Variants in ENOX1 observed in about 807,000 individuals in gnomAD.
ENOX1 encodes the protein ecto-NOX disulfide-thiol exchanger 1, also known as candidate growth-related and time keeping constitutive hydroquinone (NADH) oxidase.
Under a neutral mutation model 82.5 loss-of-function variants are expected in ENOX1, and 42 were observed. The observed-to-expected ratio is 0.51, with a 90% CI of 0.40 to 0.66. The LOEUF (loss-of-function observed/expected upper bound fraction) is 0.66, where lower values mean the gene tolerates loss of function less well. Ranked by LOEUF, ENOX1 falls within the 30% of genes least tolerant of loss-of-function variation. The probability of loss-of-function intolerance (pLI) is 0.00; values close to 1 mark genes in which losing one functional copy is unlikely to be tolerated. For synonymous variants in ENOX1, 271 were observed against 282.2 expected (o/e 0.96, Z 0.40); for missense variants, 608 against 811.6 (o/e 0.75, Z 3.05).
At chr13:43,759,339 C>T (rs924548608) in intron 1 of ENOX1, among the ~76,000 whole-genome samples, 1 of 152,090 alleles carries the variant, frequency 6.6e-6, no homozygotes, top group Non-Finnish European at 1.5e-5. Context: ...CTCAAGTGAT[C>T]CACCTGCCTC....
chr13:43,273,338 C>T (rs147510136), intron 12 of ENOX1, among the ~76,000 whole-genome samples: 134 of 152,208 alleles, frequency 8.8e-4, no homozygotes, highest in African/African-American at 3.0e-3. Flanking sequence ...GCCATTTACC[C>T]GACACTCCTG....
At chr13:43,621,249 T>A (rs1325750506) in intron 2 of ENOX1, among the ~76,000 whole-genome samples, 8 of 152,232 alleles carry the variant, frequency 5.3e-5, no homozygotes, top group Admixed American at 3.3e-4. Flanking sequence ...AGTATTGAGA[T>A]GTGAGGTACC....
At chr13:43,673,513 T>C (rs2085365370) in intron 1 of ENOX1, among the ~76,000 whole-genome samples, 1 of 152,248 alleles carries the variant, frequency 6.6e-6, no homozygotes, top group Non-Finnish European at 1.5e-5. Context: ...CTCTTTAACA[T>C]TTTAATGAGA....
chr13:43,347,699 C>A (rs2049480283), intron 8 of ENOX1, among the ~76,000 whole-genome samples: 1 of 152,156 alleles, frequency 6.6e-6, no homozygotes, highest in Non-Finnish European at 1.5e-5. Flanking sequence ...ATTTAGATTG[C>A]AGCATTATTA....
chr13:43,501,449 T>C (rs1269369015), intron 2 of ENOX1, among the ~76,000 whole-genome samples: 1 of 151,756 alleles, frequency 6.6e-6, no homozygotes, highest in African/African-American at 2.4e-5. Context: ...CCAGCAGCAG[T>C]AGAGCAAACA....
intron 11 of ENOX1, among the ~76,000 whole-genome samples, chr13:43,304,448 G>T (rs1336480704): frequency 6.6e-6 from 1 of 152,154 alleles, no homozygotes; most frequent in East Asian, 1.9e-4. Context: ...GGCTAGCTTA[G>T]CTCCATGTAA....
intron 14 of ENOX1, among the ~76,000 whole-genome samples, chr13:43,257,204 C>A (rs987063489): frequency 6.6e-6 from 1 of 152,050 alleles, no homozygotes; most frequent in African/African-American, 2.4e-5. Context: ...CAGGAATACA[C>A]TTAGATAGGA....
intron 2 of ENOX1, among the ~76,000 whole-genome samples, chr13:43,594,471 G>C (rs1367369494): frequency 6.6e-6 from 1 of 152,222 alleles, no homozygotes; most frequent in Non-Finnish European, 1.5e-5. Context: ...TAGCACTTCA[G>C]TTCAAAAGGC....
intron 1 of ENOX1, among the ~76,000 whole-genome samples, chr13:43,725,146 A>T (rs1031044361): frequency 1.3e-5 from 2 of 152,198 alleles, no homozygotes; most frequent in African/African-American, 4.8e-5. Flanking sequence ...GTATTTGACC[A>T]GCAGGAAAGG....
intron 8 of ENOX1, among the ~76,000 whole-genome samples, chr13:43,346,229 G>T (rs974248915): frequency 2.0e-5 from 3 of 152,104 alleles, no homozygotes; most frequent in African/African-American, 7.2e-5. Context: ...TGTGTGTCCT[G>T]AATGAAGGTG....
intron 13 of ENOX1, among the ~76,000 whole-genome samples, chr13:43,268,956 C>T (rs2044534135): frequency 6.6e-6 from 1 of 152,146 alleles, no homozygotes; most frequent in South Asian, 2.1e-4. Context: ...ACTTTTGTAT[C>T]AAAGAAAGCC....
chr13:43,640,176 A>G (rs1476664857), intron 2 of ENOX1, among the ~76,000 whole-genome samples: 1 of 152,214 alleles, frequency 6.6e-6, no homozygotes, highest in East Asian at 1.9e-4. Flanking sequence ...TAACAAGGGC[A>G]TCTGTTTTTA....
rs147106652 is a variant in ENOX1 at position 43,485,846 on chromosome 13, C to T, written c.-218-1694G>A. Reference sequence around the variant, plus strand: ...ATCCCAGCACTTTGGGAGGCCAAGGCGGGCAGATCACTTCAGTCCAGAAGT... The same window carrying T: ...ATCCCAGCACTTTGGGAGGCCAAGGTGGGCAGATCACTTCAGTCCAGAAGT... On this transcript the variant is annotated intron_variant, in intron 2 of 16. Transcript: ENST00000690772. Among the ~76,000 whole-genome samples, 1,092 of 152,248 alleles carry T rather than the reference C, an allele frequency of 7.2e-3. 11 individuals are homozygous for T. Among genetic ancestry groups the T allele is most frequent in the African/African-American group, 0.023 (936 of 41,552 alleles).
At chr13:43,740,472 C>CATTTT (rs147322600) in intron 1 of ENOX1, among the ~76,000 whole-genome samples, 14,101 of 151,768 alleles carry the variant, frequency 0.093, 1,068 homozygotes, top group African/African-American at 0.21. Flanking sequence ...AACTTTAAAA[C>CATTTT]ATTTTTTATT....
intron 2 of ENOX1, among the ~76,000 whole-genome samples, chr13:43,530,316 C>A (rs1391414344): frequency 6.6e-6 from 1 of 152,116 alleles, no homozygotes; most frequent in African/African-American, 2.4e-5. Context: ...CAGAGCTGTA[C>A]AAAGGAAAGG....
At position 43,370,503 on chromosome 13, in the gene ENOX1, C is replaced by G. The variant is rs957423861; in HGVS notation, c.209-9051G>C. On this transcript the variant is annotated intron_variant, in intron 5 of 16. Transcript: ENST00000690772. ...TCAGGGATGTACACAGGGTTACCGT[C>G]AATTCCTTAGGCTGGAAGCTCATGT... 2.0e-5 allele frequency among the ~76,000 whole-genome samples: 3 copies of G among 152,312 alleles called. No homozygotes were observed. In the East Asian group the frequency reaches 5.8e-4, roughly 29 times the overall value.
rs573593836 is a variant in ENOX1 at position 43,241,194 on chromosome 13, C to A, written c.1612-4456G>T. On this transcript the variant is annotated intron_variant, in intron 14 of 16. Transcript: ENST00000690772. ...ATGGTCCTTATTACTCTCTCCACCC[C>A]AAATCTCTAGAGAATGGAAAGGACC... Among the ~76,000 whole-genome samples, 153 of 152,240 alleles carry A rather than the reference C, an allele frequency of 1.0e-3. 5 individuals are homozygous for A. The South Asian group carries it at 0.027, about 27-fold the overall frequency.
At chr13:43,513,999 T>C (rs922123128) in intron 2 of ENOX1, among the ~76,000 whole-genome samples, 4 of 152,178 alleles carry the variant, frequency 2.6e-5, no homozygotes, top group African/African-American at 7.2e-5. Flanking sequence ...TACATTTATA[T>C]ACATATTTGC....
rs150896787 is a variant in ENOX1 at position 43,314,540 on chromosome 13, T to C, written c.1261+7844A>G. On this transcript the variant is annotated intron_variant, in intron 11 of 16. Coordinates refer to ENST00000690772, the MANE Select transcript of ENOX1 (RefSeq NM_001347969.2). Reference sequence around the variant, plus strand: ...ATAGCTTTATGTCACCTACTGTGTTTTGATGAACAATACAGTATAAAAGCA... The same window carrying C: ...ATAGCTTTATGTCACCTACTGTGTTCTGATGAACAATACAGTATAAAAGCA... Among the ~76,000 whole-genome samples, 290 of 152,372 alleles carry C rather than the reference T, an allele frequency of 1.9e-3. 1 individual carries two copies. Among genetic ancestry groups the C allele is most frequent in the African/African-American group, 6.6e-3 (275 of 41,586 alleles).
Sources: allele counts gnomAD v4.1 joint callset (sites outside exome capture counted in the v4.1 genomes callset), GRCh38; gene constraint gnomAD v4.1.1; transcripts MANE v1.5; gene names NCBI Gene and HGNC (gene_info 2026-07-23, HGNC 2026-07-21).